Variants in AGL observed in about 807,000 individuals in gnomAD.
AGL encodes the protein amylo-alpha-1,6-glucosidase and 4-alpha-glucanotransferase.
A neutral mutation model predicts 199.3 loss-of-function variants in AGL; 128 were observed. The ratio of observed to expected loss-of-function variants is 0.64; its 90% CI spans 0.56 to 0.74. The LOEUF (loss-of-function observed/expected upper bound fraction) is 0.74. Among genes scored for constraint, AGL ranks in the 30% least tolerant of loss-of-function variants. The probability of loss-of-function intolerance (pLI) is 0.00; values close to 1 mark genes in which losing one functional copy is unlikely to be tolerated. For missense variants in AGL, 1,809 were observed against 1,820.8 expected, an observed-to-expected ratio of 0.99 and a Z score of 0.12; for synonymous variants, 584 against 594.7, an observed-to-expected ratio of 0.98 and a Z score of 0.26.
At chr1:99,918,946 GCTT>G (rs1375537794) in intron 33 of AGL, among the ~76,000 whole-genome samples, 1 of 152,162 alleles carries the variant, frequency 6.6e-6, no homozygotes, top group Non-Finnish European at 1.5e-5. Context: ...GCCACATACT[GCTT>G]CTTCTCATCC....
Position 99,873,520 on chromosome 1 carries a change from C to T in AGL, c.959-1167C>T, listed in dbSNP as rs371834451. On this transcript the variant is annotated intron_variant, in intron 7 of 33. Coordinates refer to ENST00000361915, the MANE Select transcript of AGL (RefSeq NM_000642.3). ...TGTAATCTCCACTCACCACAACCTCCGCTTCCTGGGTTCAAGCGATTCTCC... is the reference window on the plus strand; with the variant it reads ...TGTAATCTCCACTCACCACAACCTCTGCTTCCTGGGTTCAAGCGATTCTCC... 1.5e-3 allele frequency among the ~76,000 whole-genome samples: 231 copies of T among 151,968 alleles called. 6 individuals carry two copies. The South Asian group carries it at 0.044, about 29-fold the overall frequency.
chr1:99,853,647 G>A (rs1649158089), intron 2 of AGL, among the ~76,000 whole-genome samples: 1 of 152,206 alleles, frequency 6.6e-6, no homozygotes, highest in South Asian at 2.1e-4. Flanking sequence ...CAGTGCTTTG[G>A]GAGGCTGAGG....
upstream of AGL, among the ~76,000 whole-genome samples, chr1:99,849,878 G>C (rs1340076225): frequency 6.6e-6 from 1 of 152,206 alleles, no homozygotes; most frequent in Non-Finnish European, 1.5e-5. Flanking sequence ...AGCCGGTACC[G>C]CGGGATTTTA....
intron 25 of AGL, among the ~76,000 whole-genome samples, chr1:99,898,295 C>T (rs936673144): frequency 6.6e-6 from 1 of 152,148 alleles, no homozygotes; most frequent in African/African-American, 2.4e-5. Context: ...ATCCGCCTGC[C>T]TCATCCTCCC....
At chr1:99,852,415 A>G (rs1006689228) in intron 2 of AGL, 15 of 418,112 alleles carry the variant, frequency 3.6e-5, no homozygotes, top group African/African-American at 2.1e-5. Flanking sequence ...CTGTTGCCCA[A>G]GCTGAGTGTT....
At position 99,916,588 on chromosome 1, in the gene AGL, T is replaced by A. The variant is rs564475134; in HGVS notation, c.4348-10T>A. On this transcript the variant is annotated splice_polypyrimidine_tract_variant and intron_variant, in intron 32 of 33. Transcript: ENST00000361915. The stretch of plus-strand genomic sequence containing the variant: ...ATGGTTTTTTTTGTCTTTTAAATAA[T>A]CTTTTTTAGGAGTGGCTGTGGCCTA... 3 of 1,612,404 alleles carry A rather than the reference T, an allele frequency of 1.9e-6. No homozygotes were observed. The African/African-American group carries it at 4.0e-5, about 22-fold the overall frequency.
At chr1:99,918,383 ACT>A (rs373600993) in intron 33 of AGL, among the ~76,000 whole-genome samples, 27 of 151,636 alleles carry the variant, frequency 1.8e-4, no homozygotes, top group African/African-American at 6.5e-4. Context: ...GATTACAGTG[ACT>A]CTTTTAATAT....
intron 6 of AGL, 35 bp downstream of exon 6, chr1:99,870,616 G>GAA: frequency 6.2e-7 from 1 of 1,609,910 alleles, no homozygotes; most frequent in Non-Finnish European, 8.5e-7. Context: ...CACTAAAACA[G>GAA]AAAAAATTTC....
At chr1:99,863,865 C>T (rs989912757) in intron 4 of AGL, among the ~76,000 whole-genome samples, 2 of 149,334 alleles carry the variant, frequency 1.3e-5, no homozygotes, top group African/African-American at 4.9e-5. Flanking sequence ...TGGTCTTGAA[C>T]TCCTGGGCTC....
At position 99,866,913 on chromosome 1, in the gene AGL, G is replaced by A. The variant is rs75355624; in HGVS notation, c.664+2324G>A. ...GGCTCACCGCAACCTCCACCTTCCA[G>A]GTTCAAGTGATTCTCCCGCCTCAGC... On this transcript the variant is annotated intron_variant, in intron 5 of 33. Coordinates refer to ENST00000361915, the MANE Select transcript of AGL (RefSeq NM_000642.3). 8.0e-4 allele frequency among the ~76,000 whole-genome samples: 121 copies of A among 152,022 alleles called. 3 individuals are homozygous for A. In the East Asian group the frequency reaches 0.02, roughly 25 times the overall value.
At chr1:99,894,206 T>A (rs1653131771) in intron 24 of AGL, among the ~76,000 whole-genome samples, 1 of 151,770 alleles carries the variant, frequency 6.6e-6, no homozygotes, top group Admixed American at 6.6e-5. Flanking sequence ...AAAAAATTTG[T>A]AGCCTGTTCT....
chr1:99,893,335 CCAA>C (rs1168904984), intron 24 of AGL, among the ~76,000 whole-genome samples: 2 of 152,106 alleles, frequency 1.3e-5, no homozygotes, highest in Non-Finnish European at 2.9e-5. Flanking sequence ...TTAGTGATAC[CCAA>C]CAACTAAAAT....
chr1:99,913,851 T>C (rs1300857556), intron 30 of AGL, 113 bp downstream of exon 30: 1 of 1,002,494 alleles, frequency 1.0e-6, no homozygotes, highest in South Asian at 1.3e-5. Flanking sequence ...AGTATATTGC[T>C]TACTAGCTAG....
chr1:99,908,265 A>T (rs1377173592), intron 27 of AGL, among the ~76,000 whole-genome samples: 1 of 152,156 alleles, frequency 6.6e-6, no homozygotes, highest in East Asian at 1.9e-4. Context: ...TGCCAAAAAA[A>T]ATATAAACTG....
intron 2 of AGL, chr1:99,861,246 A>C: frequency 7.5e-7 from 1 of 1,331,350 alleles, no homozygotes; most frequent in Non-Finnish European, 9.6e-7. Context: ...TGCTATGTGA[A>C]TAGGAATGCG....
At chr1:99,887,850 G>T in intron 20 of AGL, 128 bp from the exon 21 acceptor site, 31 of 998,998 alleles carry the variant, frequency 3.1e-5, no homozygotes, top group Admixed American at 4.1e-5. Flanking sequence ...ATGTTTATTT[G>T]AATGCTGAGT....
At chr1:99,867,957 A>T (rs1650669937) in intron 5 of AGL, among the ~76,000 whole-genome samples, 1 of 152,218 alleles carries the variant, frequency 6.6e-6, no homozygotes, top group African/African-American at 2.4e-5. Context: ...TTTGCCCTGG[A>T]AAAGGTCTTG....
intron 2 of AGL, among the ~76,000 whole-genome samples, chr1:99,859,442 T>C (rs1241478733): frequency 6.6e-6 from 1 of 152,202 alleles, no homozygotes; most frequent in Non-Finnish European, 1.5e-5. Context: ...GTATGTACTC[T>C]ACCTCCCTGC....
intron 27 of AGL, among the ~76,000 whole-genome samples, chr1:99,907,018 C>G (rs1654337586): frequency 1.3e-5 from 2 of 152,112 alleles, no homozygotes; most frequent in African/African-American, 4.8e-5. Context: ...TTTGCTAACA[C>G]CTGGTATTTT....
Sources: allele counts gnomAD v4.1 joint callset (sites outside exome capture counted in the v4.1 genomes callset), GRCh38; gene constraint gnomAD v4.1.1; transcripts MANE v1.5; gene names NCBI Gene and HGNC (gene_info 2026-07-23, HGNC 2026-07-21).